SEPTIN8: variants seen among roughly 807,000 people sequenced by gnomAD.
The protein encoded by SEPTIN8 is septin-8.
A neutral mutation model predicts 53.1 loss-of-function variants in SEPTIN8; 22 were observed. That is an observed-to-expected ratio of 0.41 (90% confidence interval 0.30 to 0.59). The LOEUF (loss-of-function observed/expected upper bound fraction) is 0.59. Among genes scored for constraint, SEPTIN8 ranks in the 20% least tolerant of loss-of-function variants. The pLI, the probability that SEPTIN8 is intolerant of heterozygous loss-of-function variation, is 0.24. For missense variants in SEPTIN8, 536 were observed against 638.7 expected, an observed-to-expected ratio of 0.84 and a Z score of 1.73; for synonymous variants, 228 against 248.4, an observed-to-expected ratio of 0.92 and a Z score of 0.77.
chr5:132,767,666 G>T (rs1756741139), intron 1 of SEPTIN8, among the ~76,000 whole-genome samples: 1 of 152,030 alleles, frequency 6.6e-6, no homozygotes, highest in Admixed American at 6.6e-5. Flanking sequence ...AACTGCTACG[G>T]CATCAGAGCA....
intron 1 of SEPTIN8, among the ~76,000 whole-genome samples, chr5:132,770,758 G>A (rs755554479): frequency 7.9e-5 from 12 of 152,218 alleles, no homozygotes; most frequent in Non-Finnish European, 1.0e-4. Context: ...TGGACCCAAA[G>A]CCTCTGGCTC....
intron 1 of SEPTIN8, among the ~76,000 whole-genome samples, chr5:132,766,895 A>G (rs1440172795): frequency 6.6e-6 from 1 of 152,050 alleles, no homozygotes; most frequent in Non-Finnish European, 1.5e-5. Context: ...CCTCCCAACC[A>G]GAGAACCTTG....
upstream of SEPTIN8, chr5:132,777,908 G>A: frequency 1.9e-5 from 19 of 985,512 alleles, no homozygotes; most frequent in Non-Finnish European, 2.2e-5. This position sits in a 1 kb window ranked among gnomAD's most constrained non-coding sequence, Gnocchi z 4.1. Context: ...CAATAGAAAA[G>A]CGGAGCTCGA....
At position 132,760,808 on chromosome 5, in the gene SEPTIN8, T is replaced by C. The variant is rs1431700249; in HGVS notation, c.1280A>G (p.Lys427Arg). The change falls in exon 9 of 10, where the codon AAG becomes AGG. Residue 427 changes from lysine (K) to arginine (R), a missense_variant. Around this residue, in one of 3 missense-constraint regions of SEPTIN8, gnomAD observed 133 missense variants for 157.4 expected, o/e 0.84. Coordinates refer to ENST00000378719, the MANE Select transcript of SEPTIN8 (RefSeq NM_001098811.2). This position sits in a 1 kb window ranked among gnomAD's most constrained non-coding sequence, Gnocchi z 5.2. The part of the protein sequence containing the change: ...SQQPLRKDKD[K>R]KNRSDIGAHQ... ...GGCGCAGCCTGCCACCTACTTCTTC[T>C]TGTCCTTGTCCTTCCTCAGGGGCTG... 6.2e-7 allele frequency: 1 copy of C among 1,613,566 alleles called. No homozygotes were observed. Among genetic ancestry groups the C allele is most frequent in the Non-Finnish European group, 8.5e-7 (1 of 1,179,978 alleles).
Position 132,767,943 on chromosome 5 carries a change from C to CCACACACACACACACACACACA in SEPTIN8, c.31-2436_31-2415dup, listed in dbSNP as rs57640097. 1.1e-3 allele frequency among the ~76,000 whole-genome samples: 145 copies of CCACACACACACACACACACACA among 127,974 alleles called. 4 individuals carry two copies. In the East Asian group the frequency reaches 0.017, roughly 15 times the overall value. 84.0% of individuals were successfully genotyped at this position (127,974 alleles called of 152,430 possible). On this transcript the variant is annotated intron_variant, in intron 1 of 9. Transcript: ENST00000378719. ...CCACCAAGTCAGCTGTGTCTGGAAA[C>CCACACACACACACACACACACA]CACACACACACACACACACACACAC...
intron 1 of SEPTIN8, chr5:132,774,285 T>C (rs1757591705): frequency 6.0e-6 from 1 of 165,470 alleles, no homozygotes. Context: ...GTGCTGCACG[T>C]TTCTTCCTCT....
At chr5:132,775,185 A>G (rs1183869849) in intron 1 of SEPTIN8, among the ~76,000 whole-genome samples, 1 of 152,190 alleles carries the variant, frequency 6.6e-6, no homozygotes, top group East Asian at 1.9e-4. Context: ...CCTCACAGGA[A>G]TGGTCCGAGA....
Position 132,760,955 on chromosome 5 carries a change from T to G in SEPTIN8, c.1133A>C (p.Gln378Pro), listed in dbSNP as rs75525269. 1.3e-6 allele frequency: 2 copies of G among 1,592,682 alleles called. No homozygotes were observed. The highest frequency in any genetic ancestry group is 4.5e-5 in the East Asian group (2 of 44,776). The part of the protein sequence containing the change: ...EKFEHLKRVH[Q>P]EEKRKVEEKR... Reference sequence around the variant, plus strand: ...TTCCTCCACCTTGCGCTTCTCCTCCTGGTGGACCCGCTTCAGGTGCTCAAA... The same window carrying G: ...TTCCTCCACCTTGCGCTTCTCCTCCGGGTGGACCCGCTTCAGGTGCTCAAA... The change falls in exon 9 of 10, where the codon CAG (glutamine) becomes CCG (proline). Residue 378 changes from glutamine (Q) to proline (P), a missense_variant. Gln to Pro is a moderately conservative substitution (Grantham distance 76). This residue lies in a region of SEPTIN8 where 133 missense variants were observed against 157.4 expected (regional missense o/e 0.84). Transcript: ENST00000378719. The surrounding 1 kb of genome is among the most constrained non-coding windows in gnomAD (Gnocchi z 5.2).
At chr5:132,756,029 A>C (rs1755299068) in intron 9 of SEPTIN8, 1 of 985,288 alleles carries the variant, frequency 1.0e-6, no homozygotes, top group Non-Finnish European at 1.2e-6. Flanking sequence ...AATTTAATGA[A>C]AAAAATAAGT....
chr5:132,774,894 G>C (rs978781973), intron 1 of SEPTIN8, among the ~76,000 whole-genome samples: 1 of 152,162 alleles, frequency 6.6e-6, no homozygotes, highest in African/African-American at 2.4e-5. Flanking sequence ...TTTACAGCAA[G>C]ATAAAGGCAG....
At position 132,751,992 on chromosome 5, in the gene SEPTIN8, G is replaced by T. The variant is rs78904826; in HGVS notation, c.*24C>A. 3.7e-6 allele frequency: 6 copies of T among 1,611,854 alleles called. No individual in the cohort carries two copies. Among genetic ancestry groups the T allele is most frequent in the Admixed American group, 3.3e-5 (2 of 59,832 alleles). On this transcript the variant is annotated 3_prime_UTR_variant, in exon 10 of 10. Transcript: ENST00000378719. ...TCCATGCCCTGGTGGTCCTGAGCTG[G>T]CCCCATGTGTTGGAGCTGCTGCCTC...
In SEPTIN8 at chr5:132,763,968, G is replaced by A. The variant is rs1756291631; in HGVS notation, c.348-76C>T. ...GGGGCTTGGGGGGCTCAGGGCTCGG[G>A]GCCAAGCCAGGCTGCCCCCTGGCCT... On this transcript the variant is annotated intron_variant, in intron 3 of 9. Transcript: ENST00000378719. The A allele has an allele frequency of 5.0e-6, 7 of 1,387,496 alleles. No homozygotes were observed. The South Asian group carries it at 8.4e-5, about 17-fold the overall frequency. The allele number at this position is 1,387,496 out of a possible 1,614,324, so 85.9% of individuals were successfully genotyped here. A position where few individuals can be genotyped will look rare whatever the true frequency, so the allele number is the denominator to read the frequency against.
In SEPTIN8 at chr5:132,776,406, C is replaced by A. The variant is rs896310790; in HGVS notation, c.30+702G>T. On this transcript the variant is annotated intron_variant, in intron 1 of 9. Coordinates refer to ENST00000378719, the MANE Select transcript of SEPTIN8 (RefSeq NM_001098811.2). This position sits in a 1 kb window ranked among gnomAD's most constrained non-coding sequence, Gnocchi z 4.4. Reference sequence around the variant, plus strand: ...CCCAGTGAGACCCCTGCAGGGACCACCAGGGACATCAACCTTCTGAGGACC... The same window carrying A: ...CCCAGTGAGACCCCTGCAGGGACCAACAGGGACATCAACCTTCTGAGGACC... 6.6e-6 allele frequency among the ~76,000 whole-genome samples: 1 copy of A among 152,200 alleles called. No individual in the cohort carries two copies. Among genetic ancestry groups the A allele is most frequent in the African/African-American group, 2.4e-5 (1 of 41,450 alleles).
rs1171566174 is a variant in SEPTIN8, at chr5:132,762,527, G to A, written c.653C>T (p.Pro218Leu). The change falls in exon 5 of 10, where the codon CCC becomes CTC. Residue 218 changes from proline to leucine, a missense_variant. Pro to Leu is a moderately conservative substitution (Grantham distance 98). Coordinates refer to ENST00000378719, the MANE Select transcript of SEPTIN8 (RefSeq NM_001098811.2). ...VSNGVQIYQFPTDDEAVAEIN... is the reference protein window; with the variant it reads ...VSNGVQIYQFLTDDEAVAEIN... ...CTCTGCAACAGCCTCATCATCCGTGGGGAACTGGTAGATCTGGACCCCGTT... is the reference window on the plus strand; with the variant it reads ...CTCTGCAACAGCCTCATCATCCGTGAGGAACTGGTAGATCTGGACCCCGTT... The A allele has an allele frequency of 6.2e-7, 1 of 1,614,114 alleles. No homozygotes were observed.
At chr5:132,769,523 GCAA>G (rs1314907702) in intron 1 of SEPTIN8, among the ~76,000 whole-genome samples, 1 of 152,118 alleles carries the variant, frequency 6.6e-6, no homozygotes, top group Non-Finnish European at 1.5e-5. Context: ...AATAACAATG[GCAA>G]CAACAACAGA....
chr5:132,776,507 AC>A lies in SEPTIN8; in HGVS notation c.30+600del, dbSNP rs1238079230. 6.6e-6 allele frequency among the ~76,000 whole-genome samples: 1 copy of A among 152,032 alleles called. No individual in the cohort carries two copies. Among genetic ancestry groups the A allele is most frequent in the Admixed American group, 6.6e-5 (1 of 15,262 alleles). ...AGCTCCTGGCGAATGGCTGCCGCAG[AC>A]CCGACCACTGAGGCCTGACCTGCCT... On this transcript the variant is annotated intron_variant, in intron 1 of 9. Transcript: ENST00000378719. The surrounding 1 kb of genome is among the most constrained non-coding windows in gnomAD (Gnocchi z 4.4).
rs1427878627 is a variant in SEPTIN8, at chr5:132,760,651, G to C, written c.1286+151C>G. 1.4e-6 allele frequency: 1 copy of C among 727,444 alleles called. No individual in the cohort carries two copies. Among genetic ancestry groups the C allele is most frequent in the South Asian group, 1.8e-5 (1 of 56,464 alleles). The allele number at this position is 727,444 out of a possible 1,614,324, so 45.1% of individuals were successfully genotyped here. On this transcript the variant is annotated intron_variant, in intron 9 of 9. Transcript: ENST00000378719. The surrounding 1 kb of genome is among the most constrained non-coding windows in gnomAD (Gnocchi z 5.2). ...AAAGAAAAAGGCAACCAAGAAAGCT[G>C]GGGGGAGAGCCACTGAAGATGAGGG...
At chr5:132,759,076 C>G in intron 9 of SEPTIN8, 1 of 649,710 alleles carries the variant, frequency 1.5e-6, no homozygotes, top group Admixed American at 2.1e-5. Context: ...CAATCAAAAC[C>G]ACTCAAATAA....
Position 132,761,151 on chromosome 5 carries a change from C to T in SEPTIN8, c.1077G>A (p.Leu359=). 1 of 1,614,248 alleles carries T rather than the reference C, an allele frequency of 6.2e-7. No homozygotes were observed. The highest frequency in any genetic ancestry group is 2.2e-5 in the East Asian group (1 of 44,886). Residue 359 remains leucine (L), a synonymous_variant, in exon 8 of 10, where the codon CTG becomes CTA. Coordinates refer to ENST00000378719, the MANE Select transcript of SEPTIN8 (RefSeq NM_001098811.2). This position sits in a 1 kb window ranked among gnomAD's most constrained non-coding sequence, Gnocchi z 5.8. ...CACATACCTCCCTTTCCTTCTCCTT[C>T]AGCTCCAGCTCTGTCTCCTTCACTT... ...VNKVKETELE[L]KEKERELHEK... is the part of the protein sequence containing the mutation.
Sources: allele counts gnomAD v4.1 joint callset (sites outside exome capture counted in the v4.1 genomes callset), GRCh38; gene constraint gnomAD v4.1.1; regional missense constraint gnomAD v4.1.1; non-coding constraint Gnocchi (gnomAD v3.1); transcripts MANE v1.5; gene names NCBI Gene and HGNC (gene_info 2026-07-23, HGNC 2026-07-21).